The following ARL15 variants were observed in gnomAD, a reference collection of about 807,000 sequenced individuals.
The protein encoded by ARL15 is ARF like GTPase 15.
Under a neutral mutation model 25.2 loss-of-function variants are expected in ARL15, and 19 were observed. That is an observed-to-expected ratio of 0.75 (90% CI 0.53 to 1.10). The LOEUF is 1.10. Ranked by LOEUF, ARL15 falls within the 50% of genes least tolerant of loss-of-function variation. The pLI, the probability that ARL15 is intolerant of heterozygous loss-of-function variation, is 0.00. For missense variants in ARL15, 220 were observed against 246.0 expected (o/e 0.89, Z 0.71); for synonymous variants, 94 against 86.8 (o/e 1.08, Z -0.46).
chr5:53,963,804 A>ATC (rs1181460542), intron 4 of ARL15, among the ~76,000 whole-genome samples: 294 of 98,948 alleles, frequency 3.0e-3, no homozygotes, highest in African/African-American at 9.9e-3. Flanking sequence ...GTGAAACTCC[A>ATC]TCACACACAC....
chr5:53,926,406 C>T lies in ARL15; in HGVS notation c.463-39693G>A, dbSNP rs554323337. 6.4e-5 allele frequency among the ~76,000 whole-genome samples: 7 copies of T among 108,642 alleles called. No homozygotes were observed. In the South Asian group the frequency reaches 8.3e-4, roughly 13 times the overall value. The allele number at this position is 108,642 out of a possible 152,430, so 71.3% of individuals were successfully genotyped here. ...AGCCATGGAGAACATGCAGCCACGGCGGGAAAAAAGTCCCCCCACCCCAGC... is the reference window on the plus strand; with the variant it reads ...AGCCATGGAGAACATGCAGCCACGGTGGGAAAAAAGTCCCCCCACCCCAGC... On this transcript the variant is annotated intron_variant, in intron 4 of 4. Coordinates refer to ENST00000504924, the MANE Select transcript of ARL15 (RefSeq NM_019087.3).
intron 4 of ARL15, among the ~76,000 whole-genome samples, chr5:53,933,642 CAAAA>C (rs34912827): frequency 2.6e-5 from 2 of 76,018 alleles, no homozygotes; most frequent in East Asian, 4.9e-4. Context: ...GAGACTGTCT[CAAAA>C]AAAAAAAAAA....
intron 1 of ARL15, among the ~76,000 whole-genome samples, chr5:54,198,847 T>A (rs1172776392): frequency 6.6e-6 from 1 of 152,062 alleles, no homozygotes. Flanking sequence ...AAGTCAATCC[T>A]AAGCCAAAAG....
At chr5:53,936,081 A>G (rs1746340939) in intron 4 of ARL15, among the ~76,000 whole-genome samples, 1 of 146,424 alleles carries the variant, frequency 6.8e-6, no homozygotes, top group Non-Finnish European at 1.5e-5. Flanking sequence ...GAGAAGAAAA[A>G]GGAAAAAAAA....
chr5:54,105,202 G>A (rs1221393204), intron 4 of ARL15, among the ~76,000 whole-genome samples: 1 of 151,966 alleles, frequency 6.6e-6, no homozygotes, highest in Non-Finnish European at 1.5e-5. Context: ...TAGTGACTGA[G>A]TTCTCTTTTG....
chr5:54,168,078 A>G (rs13173294), intron 2 of ARL15, among the ~76,000 whole-genome samples: 36,134 of 152,168 alleles, frequency 0.24, 4,509 homozygotes, highest in African/African-American at 0.3. Context: ...TGTAAGCTCC[A>G]AAGAGCAGGG....
intron 4 of ARL15, among the ~76,000 whole-genome samples, chr5:53,944,561 C>T (rs530558174): frequency 7.2e-5 from 11 of 152,076 alleles, no homozygotes; most frequent in Non-Finnish European, 1.6e-4. Context: ...CACTGCACTC[C>T]AGCCTGGGTG....
intron 4 of ARL15, among the ~76,000 whole-genome samples, chr5:54,070,040 T>C (rs1316660154): frequency 6.6e-6 from 1 of 151,596 alleles, no homozygotes; most frequent in East Asian, 2.0e-4. Context: ...AGCCCATTCA[T>C]AGATTAATGG....
chr5:53,913,233 G>T (rs1284446301), intron 4 of ARL15, among the ~76,000 whole-genome samples: 8 of 152,126 alleles, frequency 5.3e-5, no homozygotes, highest in Admixed American at 3.9e-4. Flanking sequence ...AGCCCAAGAG[G>T]GCAGGGTTGC....
chr5:54,130,369 C>G (rs996046596), intron 3 of ARL15, among the ~76,000 whole-genome samples: 1 of 152,138 alleles, frequency 6.6e-6, no homozygotes, highest in East Asian at 1.9e-4. Flanking sequence ...TAATGCAACA[C>G]CCAGTGACGA....
chr5:53,965,348 T>C (rs1386607088), intron 4 of ARL15, among the ~76,000 whole-genome samples: 1 of 152,240 alleles, frequency 6.6e-6, no homozygotes, highest in Non-Finnish European at 1.5e-5. Context: ...ACTCATAGTG[T>C]AAGCATTTTA....
At chr5:54,017,587 GAAAAAA>G (rs34358029) in intron 4 of ARL15, among the ~76,000 whole-genome samples, 2 of 131,498 alleles carry the variant, frequency 1.5e-5, no homozygotes, top group Non-Finnish European at 3.2e-5. Context: ...CTTTGTGGAA[GAAAAAA>G]AAAAAAAAAA....
intron 1 of ARL15, among the ~76,000 whole-genome samples, chr5:54,254,987 T>C (rs1016748902): frequency 6.6e-6 from 1 of 152,212 alleles, no homozygotes; most frequent in African/African-American, 2.4e-5. Context: ...CGTTGTGATC[T>C]GAATGTTTTT....
At chr5:54,166,962 T>A (rs1754591651) in intron 2 of ARL15, among the ~76,000 whole-genome samples, 1 of 151,470 alleles carries the variant, frequency 6.6e-6, no homozygotes, top group African/African-American at 2.4e-5. Context: ...ATGCATTACA[T>A]TACCAGACAA....
chr5:54,179,005 T>G (rs1039168605), intron 1 of ARL15, among the ~76,000 whole-genome samples: 1 of 152,186 alleles, frequency 6.6e-6, no homozygotes, highest in African/African-American at 2.4e-5. Flanking sequence ...ATTCATCTAT[T>G]CCCTAGAAAA....
chr5:54,241,964 G>A (rs772575206), intron 1 of ARL15, among the ~76,000 whole-genome samples: 3 of 152,122 alleles, frequency 2.0e-5, no homozygotes, highest in Non-Finnish European at 4.4e-5. Flanking sequence ...TAAAGGAATA[G>A]CCTCACGTAT....
intron 4 of ARL15, among the ~76,000 whole-genome samples, chr5:53,957,059 C>A (rs1227634172): frequency 1.3e-5 from 2 of 151,690 alleles, no homozygotes; most frequent in Admixed American, 6.6e-5. Context: ...AAAAACTCCC[C>A]AAATGTAAAA....
chr5:53,941,460 C>A (rs1324465943), intron 4 of ARL15, among the ~76,000 whole-genome samples: 1 of 152,110 alleles, frequency 6.6e-6, no homozygotes, highest in East Asian at 1.9e-4. Context: ...ATAAACGAAG[C>A]AAGGATTATT....
intron 1 of ARL15, among the ~76,000 whole-genome samples, chr5:54,237,015 CTT>C (rs1756827508): frequency 1.3e-5 from 2 of 152,198 alleles, no homozygotes; most frequent in Admixed American, 1.3e-4. Flanking sequence ...CTTTTCCACT[CTT>C]TTCACTTCTG....
Sources: gnomAD v4.1 joint callset for allele counts (sites outside exome capture counted in the v4.1 genomes callset) on GRCh38, gnomAD v4.1.1 for gene constraint, MANE v1.5 for transcripts, NCBI Gene and HGNC (gene_info 2026-07-23, HGNC 2026-07-21) for gene names.